TSC22D1: variants seen among roughly 807,000 people sequenced by gnomAD.
TSC22D1 encodes the protein TSC22 domain family member 1.
A neutral mutation model predicts 74.2 loss-of-function variants in TSC22D1; 9 were observed. That is an observed-to-expected ratio of 0.12 (90% CI 0.07 to 0.21). TSC22D1 has a LOEUF of 0.21. Ranked by LOEUF, TSC22D1 falls within the 10% of genes least tolerant of loss-of-function variation. The pLI is 1.00. For synonymous variants in TSC22D1, 586 were observed against 492.5 expected (o/e 1.19, Z -2.51); for missense variants, 1,427 against 1,304.7 (o/e 1.09, Z -1.44).
chr13:44,547,163 C>T (rs1881881918), intron 1 of TSC22D1, among the ~76,000 whole-genome samples: 1 of 151,990 alleles, frequency 6.6e-6, no homozygotes, highest in African/African-American at 2.4e-5. Context: ...ATACTCGACA[C>T]GCCTATGGAA....
chr13:44,537,998 TA>T (rs1881249183), intron 1 of TSC22D1: 1 of 985,230 alleles, frequency 1.0e-6, no homozygotes, highest in Non-Finnish European at 1.2e-6. Flanking sequence ...GACCAGTTAA[TA>T]GATACCAAAG....
Position 44,511,655 on chromosome 13 carries a change from TTTG to T in TSC22D1, c.2912+61505_2912+61507del, listed in dbSNP as rs921193418. On this transcript the variant is annotated intron_variant, in intron 1 of 2. Transcript: ENST00000458659. ...ACACACACACACACACACACACTTT[TTTG>T]TTGTTGTTAAACAATCAGGAATCAG... is the stretch of plus-strand genomic sequence containing the variant. 3.4e-5 allele frequency among the ~76,000 whole-genome samples: 5 copies of T among 148,302 alleles called. No individual in the cohort carries two copies. In the East Asian group the frequency reaches 5.9e-4, roughly 18 times the overall value.
intron 1 of TSC22D1, among the ~76,000 whole-genome samples, chr13:44,571,225 T>G (rs1387658410): frequency 1.3e-5 from 2 of 152,228 alleles, no homozygotes; most frequent in Non-Finnish European, 2.9e-5. Context: ...TAGAGCTATA[T>G]TTCCTTATTT....
chr13:44,554,239 A>G (rs542134500), intron 1 of TSC22D1, among the ~76,000 whole-genome samples: 3 of 152,192 alleles, frequency 2.0e-5, no homozygotes, highest in Non-Finnish European at 2.9e-5. Context: ...AAAAAAGTTA[A>G]CTCATTTACA....
intron 1 of TSC22D1, among the ~76,000 whole-genome samples, chr13:44,498,973 CAA>C (rs1447989492): frequency 6.6e-6 from 1 of 151,988 alleles, no homozygotes; most frequent in Non-Finnish European, 1.5e-5. Context: ...AAAAAAAATG[CAA>C]AGTTTCATTA....
Position 44,574,204 on chromosome 13 carries a change from G to C in TSC22D1, c.1871C>G (p.Pro624Arg). Residue 624 changes from proline (P) to arginine (R), a missense_variant, in exon 1 of 3, where the codon CCC (proline) becomes CGC (arginine). This residue lies in a region of TSC22D1 where 1,343 missense variants were observed against 1,191.5 expected (regional missense o/e 1.13). Coordinates refer to ENST00000458659, the MANE Select transcript of TSC22D1 (RefSeq NM_183422.4). Reference sequence around the variant, plus strand: ...CTGTTGTCCATACTGTAACTGTTGGGGTGGTGGTGCCCCTGGAAGGGGAGT... The same window carrying C: ...CTGTTGTCCATACTGTAACTGTTGGCGTGGTGGTGCCCCTGGAAGGGGAGT... ...VQTPLPGAPP[P>R]QQLQYGQQQP... is the part of the protein sequence containing the mutation. The C allele has an allele frequency of 6.2e-7, 1 of 1,614,270 alleles. No homozygotes were observed. Among genetic ancestry groups the C allele is most frequent in the Middle Eastern group, 1.6e-4 (1 of 6,062 alleles).
At chr13:44,497,430 A>G (rs1323678333) in intron 1 of TSC22D1, among the ~76,000 whole-genome samples, 1 of 152,204 alleles carries the variant, frequency 6.6e-6, no homozygotes, top group Non-Finnish European at 1.5e-5. Context: ...GGGTGATGAA[A>G]ATGTTTTGAG....
intron 1 of TSC22D1, among the ~76,000 whole-genome samples, chr13:44,532,266 T>TA (rs1880882765): frequency 6.6e-6 from 1 of 152,184 alleles, no homozygotes; most frequent in African/African-American, 2.4e-5. Flanking sequence ...TACTTTTTCA[T>TA]ATCACTATAA....
At chr13:44,510,433 A>G (rs914721214) in intron 1 of TSC22D1, among the ~76,000 whole-genome samples, 3 of 152,154 alleles carry the variant, frequency 2.0e-5, no homozygotes, top group African/African-American at 4.8e-5. Flanking sequence ...CGGCCCTGCA[A>G]TTGCACTTCT....
intron 1 of TSC22D1, among the ~76,000 whole-genome samples, chr13:44,513,447 T>G (rs986276544): frequency 3.9e-5 from 6 of 152,242 alleles, no homozygotes; most frequent in African/African-American, 1.4e-4. Context: ...TGTCATGTAT[T>G]TTCAAAAGTC....
At chr13:44,489,679 T>G (rs1463324817) in intron 1 of TSC22D1, among the ~76,000 whole-genome samples, 3 of 151,530 alleles carry the variant, frequency 2.0e-5, no homozygotes, top group Non-Finnish European at 4.4e-5. Flanking sequence ...TTTTAAAAAA[T>G]AAAAATAAAT....
At chr13:44,475,465 C>CAAAAAAAAAAA (rs11359696) in intron 1 of TSC22D1, among the ~76,000 whole-genome samples, 1 of 132,138 alleles carries the variant, frequency 7.6e-6, no homozygotes. Context: ...CAAACAAAAG[C>CAAAAAAAAAAA]AAAAAAAAAA....
rs1052277855 is a variant in TSC22D1 at position 44,433,973 on chromosome 13, A to C, written c.*653T>G. On this transcript the variant is annotated 3_prime_UTR_variant, in exon 3 of 3. Coordinates refer to ENST00000458659, the MANE Select transcript of TSC22D1 (RefSeq NM_183422.4). ...TGTACAAAATAGTTACACTACATAC[A>C]CAAATATACAATAAGCAAAACAACC... is the stretch of plus-strand genomic sequence containing the variant. 6.5e-7 allele frequency: 1 copy of C among 1,533,530 alleles called. No individual in the cohort carries two copies. Among genetic ancestry groups the C allele is most frequent in the Non-Finnish European group, 8.7e-7 (1 of 1,146,312 alleles). The allele number at this position is 1,533,530 out of a possible 1,614,324, so 95.0% of individuals were successfully genotyped here.
chr13:44,456,443 A>AT (rs1876653453), intron 1 of TSC22D1, among the ~76,000 whole-genome samples: 1 of 151,810 alleles, frequency 6.6e-6, no homozygotes, highest in Admixed American at 6.6e-5. Flanking sequence ...TGATTGGTCC[A>AT]TTTTTACAGA....
rs1404956026 is a variant in TSC22D1, at chr13:44,434,053, T to C, written c.*573A>G. 31 of 1,530,522 alleles carry C rather than the reference T, an allele frequency of 2.0e-5. No individual in the cohort carries two copies. The highest frequency in any genetic ancestry group is 5.5e-5 in the African/African-American group (4 of 72,718). 94.8% of individuals were successfully genotyped at this position (1,530,522 alleles called of 1,614,324 possible). The stretch of plus-strand genomic sequence containing the variant: ...ACCTGTCACCATTTTGTCACTCTCA[T>C]AGTTTTGTGTCATCCATTGTTTGAG... On this transcript the variant is annotated 3_prime_UTR_variant, in exon 3 of 3. Coordinates refer to ENST00000458659, the MANE Select transcript of TSC22D1 (RefSeq NM_183422.4).
At chr13:44,490,094 C>A (rs1382790609) in intron 1 of TSC22D1, among the ~76,000 whole-genome samples, 2 of 152,100 alleles carry the variant, frequency 1.3e-5, no homozygotes, top group Non-Finnish European at 2.9e-5. Context: ...AAATATCTAT[C>A]AACAGAATAG....
At chr13:44,461,978 T>C (rs1025555023) in intron 1 of TSC22D1, among the ~76,000 whole-genome samples, 3 of 152,092 alleles carry the variant, frequency 2.0e-5, no homozygotes, top group African/African-American at 7.2e-5. Context: ...AGATATAATA[T>C]GAAGTATGAA....
intron 1 of TSC22D1, among the ~76,000 whole-genome samples, chr13:44,527,218 G>T (rs74467491): frequency 6.6e-6 from 1 of 151,926 alleles, no homozygotes; most frequent in Non-Finnish European, 1.5e-5. Context: ...ATAGGTTACC[G>T]ATCTGCACAA....
At chr13:44,444,045 G>C (rs2138879047) in intron 1 of TSC22D1, among the ~76,000 whole-genome samples, 1 of 152,104 alleles carries the variant, frequency 6.6e-6, no homozygotes, top group South Asian at 2.1e-4. Context: ...CCAGCACTTT[G>C]GGAGGCCCAG....
Sources: allele counts gnomAD v4.1 joint callset (sites outside exome capture counted in the v4.1 genomes callset), GRCh38; gene constraint gnomAD v4.1.1; regional missense constraint gnomAD v4.1.1; transcripts MANE v1.5; gene names NCBI Gene and HGNC (gene_info 2026-07-23, HGNC 2026-07-21).